Variants in CDKAL1 observed in about 807,000 individuals in gnomAD.
CDKAL1 encodes the protein threonylcarbamoyladenosine tRNA methylthiotransferase.
Under a neutral mutation model 68.2 loss-of-function variants are expected in CDKAL1, and 32 were observed. The ratio of observed to expected loss-of-function variants is 0.47; its 90% confidence interval spans 0.35 to 0.63. The LOEUF (loss-of-function observed/expected upper bound fraction) is 0.63. CDKAL1 is among the 30% of genes least tolerant of loss of function. CDKAL1 has a pLI of 0.00. For synonymous variants in CDKAL1, 234 were observed against 244.3 expected (o/e 0.96, Z 0.39); for missense variants, 606 against 696.7 (o/e 0.87, Z 1.47).
At chr6:21,136,195 C>T (rs1473328822) in intron 13 of CDKAL1, among the ~76,000 whole-genome samples, 1 of 152,180 alleles carries the variant, frequency 6.6e-6, no homozygotes, top group Non-Finnish European at 1.5e-5. Flanking sequence ...TATGCTTATA[C>T]CTAGTGTCAT....
intron 8 of CDKAL1, among the ~76,000 whole-genome samples, chr6:20,842,787 C>T (rs985257622): frequency 5.9e-5 from 9 of 152,004 alleles, no homozygotes; most frequent in Admixed American, 2.6e-4. Context: ...GCCGAGATCA[C>T]GACATTGCAC....
chr6:21,100,546 T>C (rs897597467), intron 12 of CDKAL1, among the ~76,000 whole-genome samples: 1 of 152,322 alleles, frequency 6.6e-6, no homozygotes, highest in East Asian at 1.9e-4. Flanking sequence ...AAAAAATATA[T>C]GGAATAGAGC....
intron 5 of CDKAL1, among the ~76,000 whole-genome samples, chr6:20,705,235 A>C (rs924221008): frequency 7.2e-5 from 11 of 152,224 alleles, no homozygotes; most frequent in Admixed American, 3.9e-4. Context: ...GCTTTAGCAA[A>C]AGTAGATATT....
intron 4 of CDKAL1, among the ~76,000 whole-genome samples, chr6:20,612,732 CT>C (rs1766674164): frequency 6.6e-6 from 1 of 151,914 alleles, no homozygotes; most frequent in Non-Finnish European, 1.5e-5. Context: ...TGTGCAGAAG[CT>C]TTTTAGCTTG....
chr6:20,814,174 G>T (rs1221309995), intron 8 of CDKAL1, among the ~76,000 whole-genome samples: 1 of 151,848 alleles, frequency 6.6e-6, no homozygotes, highest in Non-Finnish European at 1.5e-5. Flanking sequence ...TTCATATTTT[G>T]TCATGTTATT....
chr6:21,113,830 C>T (rs1365326755), intron 13 of CDKAL1, among the ~76,000 whole-genome samples: 3 of 151,762 alleles, frequency 2.0e-5, no homozygotes, highest in African/African-American at 7.3e-5. Context: ...GTCCCAGGTA[C>T]TTGAGAGGCT....
At chr6:20,995,065 C>G (rs1164249774) in intron 10 of CDKAL1, among the ~76,000 whole-genome samples, 2 of 152,190 alleles carry the variant, frequency 1.3e-5, no homozygotes, top group African/African-American at 4.8e-5. Context: ...CTTTGCTCAT[C>G]CATAAGAAAC....
rs906193232 is a variant in CDKAL1 at position 21,230,979 on chromosome 6, G to A, written c.1680G>A (p.Met560Ile). Residue 560 changes from methionine (M) to isoleucine (I), a missense_variant, in exon 16 of 16, where the codon ATG (methionine) becomes ATA (isoleucine). Coordinates refer to ENST00000274695, the MANE Select transcript of CDKAL1 (RefSeq NM_017774.3). ...PRLHQDCALR[M>I]SVGLALLGLL... Reference sequence around the variant, plus strand: ...TACATCAAGACTGTGCGCTGAGGATGTCCGTGGGCTTGGCTCTGCTGGGTC... The same window carrying A: ...TACATCAAGACTGTGCGCTGAGGATATCCGTGGGCTTGGCTCTGCTGGGTC... The A allele has an allele frequency of 6.2e-7, 1 of 1,613,576 alleles. No homozygotes were observed. The highest frequency in any genetic ancestry group is 8.5e-7 in the Non-Finnish European group (1 of 1,179,560).
intron 10 of CDKAL1, among the ~76,000 whole-genome samples, chr6:20,994,671 A>G (rs1005783203): frequency 6.6e-6 from 1 of 152,214 alleles, no homozygotes; most frequent in Non-Finnish European, 1.5e-5. Flanking sequence ...AGTTACGTGA[A>G]TTTTTTAGTT....
chr6:21,124,083 TA>T (rs1464832554), intron 13 of CDKAL1, among the ~76,000 whole-genome samples: 4 of 152,252 alleles, frequency 2.6e-5, no homozygotes, highest in African/African-American at 9.6e-5. Context: ...AAATGGTTTT[TA>T]AATCCATGGA....
At chr6:20,748,684 A>G (rs777186148) in intron 6 of CDKAL1, among the ~76,000 whole-genome samples, 5 of 151,670 alleles carry the variant, frequency 3.3e-5, no homozygotes, top group Admixed American at 6.6e-5. Context: ...GATAAAGCCA[A>G]GCATACCAAG....
chr6:21,073,832 GTTTA>G (rs1475978894), intron 12 of CDKAL1, among the ~76,000 whole-genome samples: 1 of 151,502 alleles, frequency 6.6e-6, no homozygotes. Context: ...ACTAATTTTT[GTTTA>G]TTTATTTTGT....
intron 11 of CDKAL1, among the ~76,000 whole-genome samples, chr6:21,022,670 A>G (rs920305587): frequency 1.3e-5 from 2 of 152,136 alleles, no homozygotes; most frequent in African/African-American, 4.8e-5. Flanking sequence ...TGCAGACTCC[A>G]CGGCCTGGCT....
At chr6:20,880,630 C>CT (rs1292441452) in intron 9 of CDKAL1, among the ~76,000 whole-genome samples, 1 of 151,972 alleles carries the variant, frequency 6.6e-6, no homozygotes, top group Non-Finnish European at 1.5e-5. Context: ...TAATACTGTT[C>CT]TTTTTTGTGA....
intron 4 of CDKAL1, among the ~76,000 whole-genome samples, chr6:20,611,558 G>A (rs939097231): frequency 3.9e-5 from 6 of 152,100 alleles, no homozygotes; most frequent in African/African-American, 1.4e-4. Flanking sequence ...CAAGACACTG[G>A]TGTTTACTAT....
chr6:20,559,873 A>G (rs1218173147), intron 4 of CDKAL1, among the ~76,000 whole-genome samples: 2 of 152,192 alleles, frequency 1.3e-5, no homozygotes, highest in African/African-American at 4.8e-5. Flanking sequence ...GGGATAATTT[A>G]TTTAGAAATA....
intron 11 of CDKAL1, among the ~76,000 whole-genome samples, chr6:21,059,383 C>T (rs1262877901): frequency 6.6e-6 from 1 of 152,252 alleles, no homozygotes; most frequent in Non-Finnish European, 1.5e-5. Context: ...ACCTGAGCAT[C>T]TGCTGAACAT....
At chr6:21,227,403 A>G (rs1049489693) in intron 15 of CDKAL1, among the ~76,000 whole-genome samples, 4 of 152,236 alleles carry the variant, frequency 2.6e-5, no homozygotes, top group Admixed American at 2.6e-4. Flanking sequence ...GCTACTGATT[A>G]TTAATTACTC....
chr6:20,622,480 G>A (rs1420588423), intron 4 of CDKAL1, among the ~76,000 whole-genome samples: 1 of 152,088 alleles, frequency 6.6e-6, no homozygotes, highest in Admixed American at 6.6e-5. Context: ...CAAAGGGGAT[G>A]GAGAGTAGTG....
Sources: gnomAD v4.1 joint callset for allele counts (sites outside exome capture counted in the v4.1 genomes callset) on GRCh38, gnomAD v4.1.1 for gene constraint, MANE v1.5 for transcripts, NCBI Gene and HGNC (gene_info 2026-07-23, HGNC 2026-07-21) for gene names.